Variants in GRM5 observed in about 807,000 individuals in gnomAD.
GRM5 encodes glutamate metabotropic receptor 5, also known as metabotropic glutamate receptor 5.
GRM5 carries 19 observed loss-of-function variants against 83.1 expected under a neutral mutation model. The ratio of observed to expected loss-of-function variants is 0.23; its 90% CI spans 0.16 to 0.34. GRM5 has a LOEUF of 0.34. Ranked by LOEUF, GRM5 falls within the 10% of genes least tolerant of loss-of-function variation. The probability of loss-of-function intolerance (pLI) is 1.00; values close to 1 mark genes in which losing one functional copy is unlikely to be tolerated. For missense variants in GRM5, 1,160 were observed against 1,588.3 expected (o/e 0.73, Z 4.58); for synonymous variants, 675 against 633.6 (o/e 1.07, Z -0.98).
intron 7 of GRM5, among the ~76,000 whole-genome samples, chr11:88,584,579 A>G (rs1943277154): frequency 6.6e-6 from 1 of 152,066 alleles, no homozygotes; most frequent in Non-Finnish European, 1.5e-5. Context: ...AGTAGCTGGG[A>G]TTACAGGCAT....
intron 2 of GRM5, among the ~76,000 whole-genome samples, chr11:88,919,263 A>G (rs1945649360): frequency 4.1e-5 from 1 of 24,120 alleles, no homozygotes; most frequent in Admixed American, 3.9e-4. Flanking sequence ...TATATCGGAT[A>G]AAATAGATTT....
At chr11:88,900,952 G>T (rs983424948) in intron 2 of GRM5, among the ~76,000 whole-genome samples, 4 of 152,076 alleles carry the variant, frequency 2.6e-5, no homozygotes, top group Non-Finnish European at 5.9e-5. Flanking sequence ...CTACAACTTC[G>T]ATCCCATATT....
intron 2 of GRM5, among the ~76,000 whole-genome samples, chr11:88,893,470 A>T (rs1249793398): frequency 3.3e-5 from 5 of 152,050 alleles, no homozygotes; most frequent in Non-Finnish European, 5.9e-5. Flanking sequence ...TGTTAGGACA[A>T]GTTTAAGCAC....
At chr11:88,788,347 C>T (rs1943112203) in intron 3 of GRM5, among the ~76,000 whole-genome samples, 1 of 152,022 alleles carries the variant, frequency 6.6e-6, no homozygotes, top group African/African-American at 2.4e-5. Flanking sequence ...AAATTTTAGA[C>T]TCAGGGATCC....
At chr11:88,713,742 G>A (rs564580330) in intron 3 of GRM5, among the ~76,000 whole-genome samples, 7 of 152,040 alleles carry the variant, frequency 4.6e-5, no homozygotes, top group African/African-American at 1.7e-4. Flanking sequence ...AGCATATACA[G>A]GTACTCTCTG....
chr11:89,064,772 C>T (rs1942061161), intron 1 of GRM5, among the ~76,000 whole-genome samples: 1 of 151,272 alleles, frequency 6.6e-6, no homozygotes, highest in African/African-American at 2.4e-5. Flanking sequence ...CCCGATCACC[C>T]TGTTCTTGTT....
intron 4 of GRM5, among the ~76,000 whole-genome samples, chr11:88,651,611 C>T (rs910993318): frequency 1.3e-5 from 2 of 152,064 alleles, no homozygotes; most frequent in African/African-American, 4.8e-5. Context: ...GCTATTGTTT[C>T]TCACGTATTT....
Position 88,751,994 on chromosome 11 carries a change from C to A in GRM5, c.911+97912G>T, listed in dbSNP as rs544112957. On this transcript the variant is annotated intron_variant, in intron 3 of 9. Transcript: ENST00000305447. ...TATATGACAAATCTACAGTCAATAT[C>A]ATACTGAATGTGCAAAAGCTGGAAG... Among the ~76,000 whole-genome samples the A allele has an allele frequency of 5.9e-5, 9 of 152,274 alleles. 1 individual carries two copies. In the South Asian group the frequency reaches 1.9e-3, roughly 32 times the overall value.
intron 5 of GRM5, among the ~76,000 whole-genome samples, chr11:88,601,939 A>G (rs565497209): frequency 8.6e-4 from 131 of 152,306 alleles, no homozygotes; most frequent in African/African-American, 3.1e-3. Flanking sequence ...TCTTATAAAA[A>G]CAAGCAGCAG....
intron 3 of GRM5, among the ~76,000 whole-genome samples, chr11:88,687,519 C>CACACAA (rs1940660225): frequency 3.0e-5 from 1 of 33,760 alleles, no homozygotes; most frequent in South Asian, 1.3e-3. Flanking sequence ...CACACACACA[C>CACACAA]ACACACATAC....
chr11:88,900,089 G>T (rs886591749), intron 2 of GRM5, among the ~76,000 whole-genome samples: 1 of 152,084 alleles, frequency 6.6e-6, no homozygotes, highest in African/African-American at 2.4e-5. Context: ...TTATTTATGG[G>T]TACCCAGGTG....
At chr11:88,720,358 CAATT>C (rs1200040831) in intron 3 of GRM5, among the ~76,000 whole-genome samples, 1 of 151,964 alleles carries the variant, frequency 6.6e-6, no homozygotes, top group Non-Finnish European at 1.5e-5. Context: ...CCCTTGCAGA[CAATT>C]AAGTGAAGGT....
At chr11:88,603,688 A>T (rs1417596411) in intron 5 of GRM5, among the ~76,000 whole-genome samples, 1 of 152,200 alleles carries the variant, frequency 6.6e-6, no homozygotes, top group African/African-American at 2.4e-5. Context: ...ACTAGCTATC[A>T]CTTATAAGTC....
intron 2 of GRM5, among the ~76,000 whole-genome samples, chr11:88,865,563 A>G (rs1485277959): frequency 6.6e-6 from 1 of 152,200 alleles, no homozygotes; most frequent in African/African-American, 2.4e-5. Flanking sequence ...GACAAATGGG[A>G]TCTAATCAAA....
intron 2 of GRM5, among the ~76,000 whole-genome samples, chr11:88,950,948 C>T (rs1253509652): frequency 1.3e-5 from 2 of 152,108 alleles, no homozygotes; most frequent in Non-Finnish European, 2.9e-5. Flanking sequence ...AGTTATACTC[C>T]AGTTTTATGA....
chr11:89,026,506 A>G (rs564730135), intron 2 of GRM5, among the ~76,000 whole-genome samples: 1 of 152,232 alleles, frequency 6.6e-6, no homozygotes, highest in Non-Finnish European at 1.5e-5. Flanking sequence ...AGTGAGAAAC[A>G]TCTAAAATAA....
At chr11:88,651,014 AG>A (rs913337011) in intron 4 of GRM5, among the ~76,000 whole-genome samples, 13 of 151,556 alleles carry the variant, frequency 8.6e-5, no homozygotes, top group South Asian at 2.1e-4. Flanking sequence ...CGAGATTCCA[AG>A]GGGGGGGATG....
chr11:88,762,282 CTG>C (rs1365037745), intron 3 of GRM5, among the ~76,000 whole-genome samples: 2 of 152,080 alleles, frequency 1.3e-5, no homozygotes, highest in Admixed American at 6.6e-5. Flanking sequence ...TTTTTGCAAA[CTG>C]TGCATCTGAC....
chr11:88,712,209 T>TA (rs1941298827), intron 3 of GRM5, among the ~76,000 whole-genome samples: 1 of 152,056 alleles, frequency 6.6e-6, no homozygotes, highest in African/African-American at 2.4e-5. Flanking sequence ...TAATATATTG[T>TA]AAAAAATTAA....
Sources: allele counts gnomAD v4.1 joint callset (sites outside exome capture counted in the v4.1 genomes callset), GRCh38; gene constraint gnomAD v4.1.1; transcripts MANE v1.5; gene names NCBI Gene and HGNC (gene_info 2026-07-23, HGNC 2026-07-21).